Variants in WDFY3 observed in about 807,000 individuals in gnomAD.
WDFY3 encodes the protein WD repeat and FYVE domain containing 3, also known as WD repeat and FYVE domain-containing protein 3.
WDFY3 carries 66 observed loss-of-function variants against 409.6 expected under a neutral mutation model. That is an observed-to-expected ratio of 0.16 (90% CI 0.13 to 0.20). WDFY3 has a LOEUF of 0.20. WDFY3 is among the 10% of genes least tolerant of loss of function. The pLI is 1.00. For missense variants in WDFY3, 3,031 were observed against 4,298.1 expected (o/e 0.71, Z 8.24); for synonymous variants, 1,521 against 1,537.1 (o/e 0.99, Z 0.25).
intron 3 of WDFY3, among the ~76,000 whole-genome samples, chr4:84,867,689 T>C (rs891967254): frequency 1.3e-5 from 2 of 152,176 alleles, no homozygotes; most frequent in Non-Finnish European, 2.9e-5. Flanking sequence ...ATCAAGTAAA[T>C]AGGCTAAATT....
In WDFY3 at chr4:84,764,328, A is replaced by G. The variant is rs1743233448; in HGVS notation, c.5188+1482T>C. On this transcript the variant is annotated intron_variant, in intron 32 of 67. Transcript: ENST00000295888. ...AACTTCTTACTACCAAAATGTTCAA[A>G]ATAATCATATCTGTAGATTAAATCC... Among the ~76,000 whole-genome samples the G allele has an allele frequency of 2.0e-5, 3 of 152,214 alleles. No homozygotes were observed. In the South Asian group the frequency reaches 6.2e-4, roughly 31 times the overall value.
At position 84,849,962 on chromosome 4, in the gene WDFY3, T is replaced by C. The variant is rs148017859; in HGVS notation, c.244A>G (p.Thr82Ala). ...GTCACCATTAGTCGTGAGACTTGTG[T>C]TGTGAACTGCAGAAGATCAGAAAAT... ...EKFSDLLQFT[T>A]QVSRLMVTEI... Residue 82 changes from threonine to alanine, a missense_variant, in exon 5 of 68, where the codon ACA (threonine) becomes GCA (alanine). Thr to Ala is a moderately conservative substitution (Grantham distance 58). Coordinates refer to ENST00000295888, the MANE Select transcript of WDFY3 (RefSeq NM_014991.6). The C allele has an allele frequency of 1.2e-6, 2 of 1,611,098 alleles. No individual in the cohort carries two copies. Among genetic ancestry groups the C allele is most frequent in the Non-Finnish European group, 1.7e-6 (2 of 1,179,106 alleles).
chr4:84,840,660 C>T (rs186253654), intron 6 of WDFY3, among the ~76,000 whole-genome samples: 2 of 152,184 alleles, frequency 1.3e-5, no homozygotes, highest in Admixed American at 1.3e-4. Context: ...TCACTGCAGC[C>T]TCAACCTCCC....
intron 8 of WDFY3, among the ~76,000 whole-genome samples, chr4:84,830,205 C>G (rs1206793553): frequency 2.0e-5 from 3 of 152,138 alleles, no homozygotes; most frequent in Non-Finnish European, 4.4e-5. Context: ...ACAGTAATAT[C>G]AGGTAGTTCT....
chr4:84,860,735 ATATC>A (rs1760489673), intron 3 of WDFY3, 113 bp from the exon 4 acceptor site: 1 of 964,526 alleles, frequency 1.0e-6, no homozygotes, highest in East Asian at 3.2e-5. Flanking sequence ...TGTCTAAAAT[ATATC>A]TTTCTACTTC....
At chr4:84,756,248 T>C (rs1172056588) in intron 33 of WDFY3, among the ~76,000 whole-genome samples, 2 of 152,160 alleles carry the variant, frequency 1.3e-5, no homozygotes, top group Admixed American at 1.3e-4. Flanking sequence ...ATTTAATTTA[T>C]GGTATATAAG....
intron 32 of WDFY3, among the ~76,000 whole-genome samples, chr4:84,764,006 T>G (rs1743167676): frequency 6.6e-6 from 1 of 152,204 alleles, no homozygotes; most frequent in Non-Finnish European, 1.5e-5. Flanking sequence ...TTAGAGAAAT[T>G]AATCCTTACT....
At chr4:84,803,829 T>C (rs184728695) in intron 15 of WDFY3, 157 of 164,094 alleles carry the variant, frequency 9.6e-4, no homozygotes, top group African/African-American at 3.4e-3. Context: ...TAATACGTGA[T>C]GAGAGATCAA....
At chr4:84,812,138 T>G (rs1329385843) in intron 13 of WDFY3, among the ~76,000 whole-genome samples, 4 of 152,194 alleles carry the variant, frequency 2.6e-5, no homozygotes, top group Non-Finnish European at 5.9e-5. Context: ...CACCTATTCC[T>G]TAATATTTTA....
intron 13 of WDFY3, among the ~76,000 whole-genome samples, chr4:84,811,632 C>T (rs1309338768): frequency 1.3e-5 from 2 of 152,110 alleles, no homozygotes; most frequent in African/African-American, 2.4e-5. Flanking sequence ...CTCCTTTGCC[C>T]TCTGTTTCAT....
At position 84,766,094 on chromosome 4, in the gene WDFY3, C is replaced by A. The variant is rs1207927829; in HGVS notation, c.4971-67G>T. The A allele has an allele frequency of 1.2e-5, 19 of 1,549,914 alleles. No individual in the cohort carries two copies. In the Admixed American group the frequency reaches 3.6e-4, roughly 29 times the overall value. Reference sequence around the variant, plus strand: ...AATTTCAGAAATTAGGATTTCAAATCAAAAAGGAAAAAGAAGACTGAGTTT... The same window carrying A: ...AATTTCAGAAATTAGGATTTCAAATAAAAAAGGAAAAAGAAGACTGAGTTT... On this transcript the variant is annotated intron_variant, in intron 31 of 67. Transcript: ENST00000295888.
chr4:84,828,033 T>C (rs1168621946), intron 9 of WDFY3, among the ~76,000 whole-genome samples: 1 of 151,428 alleles, frequency 6.6e-6, no homozygotes, highest in Non-Finnish European at 1.5e-5. Flanking sequence ...CGAGCTATGA[T>C]TATGCCACTG....
chr4:84,696,876 G>A (rs1303618116), intron 56 of WDFY3, 53 bp from the exon 57 acceptor site: 1 of 1,490,122 alleles, frequency 6.7e-7, no homozygotes, highest in Non-Finnish European at 9.3e-7. Context: ...GGGATAAATG[G>A]TAACTTTATA....
At chr4:84,851,041 C>T (rs1758937799) in intron 4 of WDFY3, among the ~76,000 whole-genome samples, 1 of 138,840 alleles carries the variant, frequency 7.2e-6, no homozygotes, top group Non-Finnish European at 1.5e-5. Flanking sequence ...CCTGCCTCTG[C>T]CTCCCTAAGT....
At chr4:84,806,071 CCATAAAAA>C (rs1372216807) in intron 15 of WDFY3, among the ~76,000 whole-genome samples, 3 of 152,066 alleles carry the variant, frequency 2.0e-5, no homozygotes, top group African/African-American at 7.2e-5. Flanking sequence ...GTTCCACAAG[CCATAAAAA>C]CACAGTCAAA....
At chr4:84,907,967 A>G (rs1035373675) in intron 2 of WDFY3, among the ~76,000 whole-genome samples, 1 of 152,160 alleles carries the variant, frequency 6.6e-6, no homozygotes. Context: ...TAAGGGGGAA[A>G]GAGTGGGTGT....
chr4:84,682,232 T>C, intron 64 of WDFY3, 142 bp downstream of exon 64: 1 of 679,084 alleles, frequency 1.5e-6, no homozygotes, highest in Non-Finnish European at 2.5e-6. Flanking sequence ...CTCAAAGGAA[T>C]CACACAACAG....
chr4:84,782,902 A>G (rs1477557098), intron 25 of WDFY3, 61 bp downstream of exon 25: 2 of 1,521,836 alleles, frequency 1.3e-6, no homozygotes, highest in Non-Finnish European at 1.8e-6. Flanking sequence ...AAGTGAGGAA[A>G]GTGAATGCAA....
chr4:84,752,345 C>T (rs1740679570), intron 35 of WDFY3, among the ~76,000 whole-genome samples: 1 of 151,988 alleles, frequency 6.6e-6, no homozygotes, highest in East Asian at 1.9e-4. Flanking sequence ...GAAACCCCAT[C>T]TCTATTAAAA....
Sources: allele counts gnomAD v4.1 joint callset (sites outside exome capture counted in the v4.1 genomes callset), GRCh38; gene constraint gnomAD v4.1.1; transcripts MANE v1.5; gene names NCBI Gene and HGNC (gene_info 2026-07-23, HGNC 2026-07-21).